ALKBH8: variants seen among roughly 807,000 people sequenced by gnomAD.
ALKBH8 encodes alkB homolog 8, tRNA methyltransferase, also known as tRNA (carboxymethyluridine(34)-5-O)-methyltransferase ALKBH8.
A neutral mutation model predicts 59.8 loss-of-function variants in ALKBH8; 36 were observed. The observed-to-expected ratio is 0.60, with a 90% CI of 0.46 to 0.79. The LOEUF (loss-of-function observed/expected upper bound fraction) is 0.79, where lower values mean the gene tolerates loss of function less well. Ranked by LOEUF, ALKBH8 falls within the 30% of genes least tolerant of loss-of-function variation. ALKBH8 has a pLI of 0.00. For missense variants in ALKBH8, 768 were observed against 801.0 expected, an observed-to-expected ratio of 0.96 and a Z score of 0.50; for synonymous variants, 276 against 273.6, an observed-to-expected ratio of 1.01 and a Z score of -0.09.
Position 107,531,720 on chromosome 11 carries a change from C to T in ALKBH8, c.878+580G>A, listed in dbSNP as rs372397560. 2.6e-5 allele frequency among the ~76,000 whole-genome samples: 4 copies of T among 152,332 alleles called. 1 individual carries two copies. The highest frequency in any genetic ancestry group is 9.6e-5 in the African/African-American group (4 of 41,580). ...TAGAACAGAGCTTGGCCAACTTTTT[C>T]TGTAAGGGGCCAGAGAGTGAATATT... On this transcript the variant is annotated intron_variant, in intron 8 of 11. Coordinates refer to ENST00000428149, the MANE Select transcript of ALKBH8 (RefSeq NM_138775.3).
chr11:107,558,372 T>C (rs1287098628), intron 2 of ALKBH8, among the ~76,000 whole-genome samples: 3 of 152,188 alleles, frequency 2.0e-5, no homozygotes, highest in African/African-American at 7.2e-5. Flanking sequence ...TGGAGTAAAA[T>C]GGAGTCTCAG....
intron 10 of ALKBH8, among the ~76,000 whole-genome samples, chr11:107,512,955 T>C (rs889112713): frequency 5.9e-5 from 9 of 152,080 alleles, no homozygotes; most frequent in Non-Finnish European, 8.8e-5. Context: ...CTCTGGAAGA[T>C]AACCTAGGAA....
chr11:107,504,526 C>A lies in ALKBH8; in HGVS notation c.*132G>T, dbSNP rs1009271058. Reference sequence around the variant, plus strand: ...AATGTCTCCTAATGAATCCCTACTTCCAAATTTTTCTCAGCTTTCCTTTGG... The same window carrying A: ...AATGTCTCCTAATGAATCCCTACTTACAAATTTTTCTCAGCTTTCCTTTGG... On this transcript the variant is annotated 3_prime_UTR_variant, in exon 12 of 12. Transcript: ENST00000428149. 6 of 1,163,220 alleles carry A rather than the reference C, an allele frequency of 5.2e-6. No individual in the cohort carries two copies. Among genetic ancestry groups the A allele is most frequent in the Non-Finnish European group, 7.5e-6 (6 of 803,250 alleles). The allele number at this position is 1,163,220 out of a possible 1,614,324, so 72.1% of individuals were successfully genotyped here.
chr11:107,538,130 G>A (rs756379725), intron 7 of ALKBH8, among the ~76,000 whole-genome samples: 12 of 150,748 alleles, frequency 8.0e-5, no homozygotes, highest in East Asian at 1.9e-4. Context: ...ATAAATATTC[G>A]CTCCTATTTT....
At chr11:107,510,738 A>G (rs1377579484) in intron 11 of ALKBH8, 149 bp downstream of exon 11, 1 of 823,130 alleles carries the variant, frequency 1.2e-6, no homozygotes, top group East Asian at 2.7e-5. Flanking sequence ...TTTATTCTGC[A>G]TGCTCTCTTA....
intron 8 of ALKBH8, among the ~76,000 whole-genome samples, chr11:107,529,879 A>G (rs1442516360): frequency 6.6e-6 from 1 of 152,210 alleles, no homozygotes; most frequent in Admixed American, 6.5e-5. Flanking sequence ...AAACAATAGT[A>G]CAAGCACAGT....
intron 3 of ALKBH8, 152 bp from the exon 4 acceptor site, chr11:107,554,130 G>C (rs946838582): frequency 7.6e-6 from 7 of 921,974 alleles, no homozygotes; most frequent in African/African-American, 6.8e-5. Context: ...TATTAAAAGT[G>C]CAGAAACAAA....
intron 6 of ALKBH8, 89 bp from the exon 7 acceptor site, chr11:107,549,912 T>A: frequency 2.3e-6 from 2 of 880,462 alleles, no homozygotes; most frequent in Non-Finnish European, 3.5e-6. Context: ...GCTATTAAGG[T>A]GAAAACATTG....
intron 3 of ALKBH8, among the ~76,000 whole-genome samples, chr11:107,555,350 A>G (rs1864664533): frequency 6.6e-6 from 1 of 152,258 alleles, no homozygotes; most frequent in Non-Finnish European, 1.5e-5. Context: ...CAGAGCCTTA[A>G]AAGTACATAT....
chr11:107,504,363 T>C lies in ALKBH8; in HGVS notation c.*295A>G, dbSNP rs1195956406. The stretch of plus-strand genomic sequence containing the variant: ...GTAGCACTTTACTAAAAAACTATTA[T>C]CTTCAAAATCCTGGGCTCTTACCCA... On this transcript the variant is annotated 3_prime_UTR_variant, in exon 12 of 12. Coordinates refer to ENST00000428149, the MANE Select transcript of ALKBH8 (RefSeq NM_138775.3). 1 of 566,194 alleles carries C rather than the reference T, an allele frequency of 1.8e-6. No homozygotes were observed. The highest frequency in any genetic ancestry group is 2.9e-5 in the East Asian group (1 of 34,462). The allele number at this position is 566,194 out of a possible 1,614,324, so 35.1% of individuals were successfully genotyped here.
intron 10 of ALKBH8, among the ~76,000 whole-genome samples, chr11:107,515,645 C>T (rs1397493797): frequency 5.3e-5 from 8 of 152,256 alleles, no homozygotes; most frequent in Admixed American, 3.3e-4. Flanking sequence ...GTATGACCCA[C>T]GGTGCCCAGC....
intron 1 of ALKBH8, chr11:107,565,270 T>C (rs883543): frequency 0.037 from 16,678 of 446,716 alleles, 901 homozygotes; most frequent in East Asian, 0.22. Context: ...ATCAGACCGA[T>C]TGTCACCGGT....
chr11:107,532,195 C>A, intron 8 of ALKBH8, 105 bp downstream of exon 8: 1 of 864,624 alleles, frequency 1.2e-6, no homozygotes, highest in Non-Finnish European at 1.8e-6. Flanking sequence ...GTTCTGAACC[C>A]AGAAGCCTCA....
At chr11:107,516,301 C>A (rs983303366) in intron 10 of ALKBH8, among the ~76,000 whole-genome samples, 1 of 152,130 alleles carries the variant, frequency 6.6e-6, no homozygotes, top group African/African-American at 2.4e-5. Flanking sequence ...AGAATACTTC[C>A]AAACAGAACA....
At chr11:107,555,634 T>C (rs143343176) in intron 3 of ALKBH8, among the ~76,000 whole-genome samples, 2 of 152,020 alleles carry the variant, frequency 1.3e-5, no homozygotes, top group African/African-American at 4.8e-5. Context: ...TTTAAAAGAG[T>C]CTGTAAAAGT....
At chr11:107,552,369 C>T (rs1171477537) in intron 5 of ALKBH8, among the ~76,000 whole-genome samples, 1 of 151,034 alleles carries the variant, frequency 6.6e-6, no homozygotes, top group Non-Finnish European at 1.5e-5. Flanking sequence ...TAAGTGAGAC[C>T]AAAGTCATTA....
rs370258389 is a variant in ALKBH8 at position 107,549,086 on chromosome 11, C to T, written c.771+667G>A. Among the ~76,000 whole-genome samples the T allele has an allele frequency of 3.7e-4, 56 of 152,046 alleles. 1 individual carries two copies. Among genetic ancestry groups the T allele is most frequent in the African/African-American group, 1.3e-3 (54 of 41,506 alleles). ...CAGGATGGTCTTAATCTCCTGACCT[C>T]GTGATCTGCCCGCCTCAGCCTCCCA... On this transcript the variant is annotated intron_variant, in intron 7 of 11. Coordinates refer to ENST00000428149, the MANE Select transcript of ALKBH8 (RefSeq NM_138775.3).
In ALKBH8 at chr11:107,560,791, T is replaced by C. The variant is rs144686006; in HGVS notation, c.103A>G (p.Ile35Val). ...TGAGTGGCATAGGATACTGTCTCAA[T>C]GCCTTCATGTCTCAGCAAAGTATGC... ...AKHTLLRHEG[I>V]ETVSYATQSL... Residue 35 changes from isoleucine to valine, a missense_variant, in exon 2 of 12, where the codon ATT (isoleucine) becomes GTT (valine). Ile to Val is a conservative substitution (Grantham distance 29). Transcript: ENST00000428149. 30 of 1,613,048 alleles carry C rather than the reference T, an allele frequency of 1.9e-5. No homozygotes were observed. In the African/African-American group the frequency reaches 2.9e-4, roughly 16 times the overall value.
At chr11:107,539,463 G>A (rs547403812) in intron 7 of ALKBH8, among the ~76,000 whole-genome samples, 18 of 152,224 alleles carry the variant, frequency 1.2e-4, no homozygotes, top group African/African-American at 4.3e-4. Flanking sequence ...GGCCGGCATG[G>A]TGGTGGGCGT....
Sources: allele counts gnomAD v4.1 joint callset (sites outside exome capture counted in the v4.1 genomes callset), GRCh38; gene constraint gnomAD v4.1.1; transcripts MANE v1.5; gene names NCBI Gene and HGNC (gene_info 2026-07-23, HGNC 2026-07-21).